The following ZXDC variants were observed in gnomAD, a reference collection of about 807,000 sequenced individuals.
ZXDC encodes ZXD family zinc finger C.
ZXDC carries 58 observed loss-of-function variants against 63.6 expected under a neutral mutation model. That is an observed-to-expected ratio of 0.91 (90% confidence interval 0.74 to 1.13). The LOEUF (loss-of-function observed/expected upper bound fraction) is 1.13. ZXDC is among the 50% of genes most tolerant of loss of function. The pLI, the probability that ZXDC is intolerant of heterozygous loss-of-function variation, is 0.00. For synonymous variants in ZXDC, 561 were observed against 496.1 expected, an observed-to-expected ratio of 1.13 and a Z score of -1.74; for missense variants, 1,133 against 1,148.9, an observed-to-expected ratio of 0.99 and a Z score of 0.20.
At chr3:126,449,251 A>T (rs980571014) in intron 7 of ZXDC, among the ~76,000 whole-genome samples, 2 of 152,238 alleles carry the variant, frequency 1.3e-5, no homozygotes, top group African/African-American at 4.8e-5. Flanking sequence ...TTAAGAAATA[A>T]GGTCTCACTA....
intron 4 of ZXDC, among the ~76,000 whole-genome samples, chr3:126,468,048 C>T (rs77521549): frequency 0.038 from 5,806 of 152,278 alleles, 371 homozygotes; most frequent in African/African-American, 0.13. Flanking sequence ...TTTCCAAATT[C>T]TGCCAGTATA....
chr3:126,475,857 G>C lies in ZXDC; in HGVS notation c.9C>G (p.Leu3=). The C allele has an allele frequency of 9.3e-7, 1 of 1,077,974 alleles. No individual in the cohort carries two copies. The allele number at this position is 1,077,974 out of a possible 1,614,324, so 66.8% of individuals were successfully genotyped here. ...CAGTCGGGGCGGGGAGCAGCGCCGG[G>C]AGGTCCATCTTGGTCCCAGCGACGG... MD[L]PALLPAPTAR... is the part of the protein sequence containing the mutation. The change falls in exon 1 of 10, where the codon CTC becomes CTG. Residue 3 remains leucine, a synonymous_variant. Coordinates refer to ENST00000389709, the MANE Select transcript of ZXDC (RefSeq NM_025112.5).
intron 6 of ZXDC, chr3:126,460,343 G>T: frequency 1.7e-6 from 1 of 572,972 alleles, no homozygotes; most frequent in Non-Finnish European, 2.2e-6. Context: ...GCTATGAAGA[G>T]AAAAAGAGCA....
At chr3:126,462,291 G>T in intron 5 of ZXDC, 71 bp from the exon 6 acceptor site, 1 of 1,506,424 alleles carries the variant, frequency 6.6e-7, no homozygotes, top group Admixed American at 2.1e-5. Context: ...TTATGCCCAT[G>T]ATGTTACCGA....
At chr3:126,471,171 C>G in intron 3 of ZXDC, 146 bp from the exon 4 acceptor site, 1 of 1,232,522 alleles carries the variant, frequency 8.1e-7, no homozygotes, top group Non-Finnish European at 1.1e-6. Flanking sequence ...TGTCTTTAAT[C>G]CATGTGAGCA....
chr3:126,453,598 G>C (rs914698901), intron 7 of ZXDC: 1 of 985,292 alleles, frequency 1.0e-6, no homozygotes, highest in Non-Finnish European at 1.2e-6. Context: ...TTTCACAAAG[G>C]AGAAAGCTGA....
intron 7 of ZXDC, among the ~76,000 whole-genome samples, chr3:126,446,408 C>A (rs893804071): frequency 1.3e-5 from 2 of 152,198 alleles, no homozygotes; most frequent in Non-Finnish European, 2.9e-5. Flanking sequence ...GCTTTCACCT[C>A]ACCGTGCCAT....
chr3:126,454,064 ATTT>A (rs11375010), intron 7 of ZXDC: 1 of 644,206 alleles, frequency 1.6e-6, no homozygotes, highest in Non-Finnish European at 1.9e-6. Flanking sequence ...ATATATATAT[ATTT>A]TTTTTTTTGG....
intron 9 of ZXDC, 48 bp downstream of exon 9, chr3:126,439,584 C>T (rs1933593020): frequency 1.3e-6 from 2 of 1,551,070 alleles, no homozygotes; most frequent in South Asian, 1.2e-5. Flanking sequence ...AAGTCGAAGG[C>T]TCTGCGAGTC....
chr3:126,448,364 T>G (rs756200965), intron 7 of ZXDC, among the ~76,000 whole-genome samples: 3 of 152,176 alleles, frequency 2.0e-5, no homozygotes, highest in South Asian at 2.1e-4. Context: ...GTGCGCTCAG[T>G]ACAGCCGTGC....
At chr3:126,460,381 A>G (rs913784388) in intron 6 of ZXDC, 41 of 747,894 alleles carry the variant, frequency 5.5e-5, no homozygotes, top group Non-Finnish European at 6.5e-5. Context: ...CATACCTGGG[A>G]CCCATTCACC....
intron 8 of ZXDC, 114 bp downstream of exon 8, chr3:126,441,651 G>C: frequency 1.4e-6 from 2 of 1,430,818 alleles, no homozygotes; most frequent in Middle Eastern, 5.2e-4. Context: ...ACGAGGGGCA[G>C]GCAGGCAGGG....
At chr3:126,452,569 A>G in intron 7 of ZXDC, 1 of 984,764 alleles carries the variant, frequency 1.0e-6, no homozygotes, top group Non-Finnish European at 1.2e-6. Context: ...TCACCGATCT[A>G]TTATTGAGAT....
In ZXDC at chr3:126,475,711, C is replaced by G. The variant is rs1434712914; in HGVS notation, c.155G>C (p.Gly52Ala). 2 of 1,281,748 alleles carry G rather than the reference C, an allele frequency of 1.6e-6. No individual in the cohort carries two copies. The highest frequency in any genetic ancestry group is 2.1e-5 in the South Asian group (1 of 48,588). The allele number at this position is 1,281,748 out of a possible 1,614,324, so 79.4% of individuals were successfully genotyped here. A position where few individuals can be genotyped will look rare whatever the true frequency, so the allele number is the denominator to read the frequency against. The change falls in exon 1 of 10, where the codon GGG becomes GCG. Residue 52 changes from glycine to alanine, a missense_variant. Gly to Ala is a moderately conservative substitution (Grantham distance 60). Transcript: ENST00000389709. Reference protein sequence around the residue: ...LVRGPEDGGPGARPGEASGPS... With the variant: ...LVRGPEDGGPAARPGEASGPS... ...CCCGGAGGCCTCCCCGGGCCGCGCC[C>G]CGGGCCCGCCATCTTCAGGGCCCCG...
In ZXDC at chr3:126,457,690, T is replaced by C. The variant is rs1385083933; in HGVS notation, c.2212+1963A>G. On this transcript the variant is annotated intron_variant, in intron 7 of 9. Coordinates refer to ENST00000389709, the MANE Select transcript of ZXDC (RefSeq NM_025112.5). ...TAAAAAAACGAGAAGCTGCGCTTTA[T>C]AGACATGTCCCAGCTATAAGTAAGA... is the stretch of plus-strand genomic sequence containing the variant. 4.1e-6 allele frequency: 4 copies of C among 974,624 alleles called. No homozygotes were observed. In the South Asian group the frequency reaches 1.4e-4, roughly 35 times the overall value. 60.4% of individuals were successfully genotyped at this position (974,624 alleles called of 1,614,324 possible). A position where few individuals can be genotyped will look rare whatever the true frequency, so the allele number is the denominator to read the frequency against.
At chr3:126,455,768 C>T (rs911066069) in intron 7 of ZXDC, among the ~76,000 whole-genome samples, 5 of 151,906 alleles carry the variant, frequency 3.3e-5, no homozygotes, top group East Asian at 1.9e-4. Context: ...GAGGCCGAGG[C>T]GGGCGGATCA....
intron 8 of ZXDC, chr3:126,439,961 A>T: frequency 7.2e-7 from 1 of 1,391,614 alleles, no homozygotes; most frequent in African/African-American, 1.5e-5. Context: ...CTGGGCCTGG[A>T]ACCTTCTGCT....
chr3:126,456,654 G>A (rs529595738), intron 7 of ZXDC, among the ~76,000 whole-genome samples: 10 of 152,268 alleles, frequency 6.6e-5, no homozygotes, highest in East Asian at 1.9e-4. Context: ...AGCCTTAGCC[G>A]TGAGTACAAC....
intron 7 of ZXDC, chr3:126,453,757 C>T (rs989240696): frequency 2.4e-5 from 23 of 975,164 alleles, no homozygotes; most frequent in South Asian, 9.5e-5. Flanking sequence ...TGCAATGGTG[C>T]GATCTTGGCT....
Sources: gnomAD v4.1 joint callset for allele counts (sites outside exome capture counted in the v4.1 genomes callset) on GRCh38, gnomAD v4.1.1 for gene constraint, MANE v1.5 for transcripts, NCBI Gene and HGNC (gene_info 2026-07-23, HGNC 2026-07-21) for gene names.